NSD1: variants seen among roughly 807,000 people sequenced by gnomAD.
The protein encoded by NSD1 is histone-lysine N-methyltransferase, H3 lysine-36 specific.
A neutral mutation model predicts 242.7 loss-of-function variants in NSD1; 26 were observed. The ratio of observed to expected loss-of-function variants is 0.11; its 90% CI spans 0.08 to 0.15. The LOEUF (loss-of-function observed/expected upper bound fraction) is 0.15, where lower values mean the gene tolerates loss of function less well. Among genes scored for constraint, NSD1 ranks in the 10% least tolerant of loss-of-function variants. The pLI, the probability that NSD1 is intolerant of heterozygous loss-of-function variation, is 1.00. For missense variants in NSD1, 2,495 were observed against 3,272.8 expected, an observed-to-expected ratio of 0.76 and a Z score of 5.80; for synonymous variants, 1,106 against 1,178.1, an observed-to-expected ratio of 0.94 and a Z score of 1.25.
chr5:177,174,162 C>T (rs949098195), intron 2 of NSD1, among the ~76,000 whole-genome samples: 2 of 151,760 alleles, frequency 1.3e-5, no homozygotes, highest in East Asian at 2.0e-4. Context: ...GTCAAGAGAT[C>T]GAGACCATCC....
chr5:177,137,111 A>T (rs1262295269), intron 2 of NSD1: 2 of 403,254 alleles, frequency 5.0e-6, no homozygotes, highest in Non-Finnish European at 8.8e-6. Context: ...ATTTGAGCTT[A>T]TGAAGAATTT....
intron 2 of NSD1, among the ~76,000 whole-genome samples, chr5:177,170,638 C>T (rs1265649111): frequency 1.3e-5 from 2 of 152,244 alleles, no homozygotes; most frequent in African/African-American, 4.8e-5. Context: ...CAGGCGTGAG[C>T]CACTGCGCCT....
chr5:177,279,030 T>C (rs1415368178), intron 17 of NSD1, among the ~76,000 whole-genome samples: 1 of 152,232 alleles, frequency 6.6e-6, no homozygotes, highest in Non-Finnish European at 1.5e-5. Context: ...AATTAATCCA[T>C]GAGTGACATT....
At chr5:177,219,300 C>T (rs1473828138) in intron 5 of NSD1, among the ~76,000 whole-genome samples, 2 of 151,954 alleles carry the variant, frequency 1.3e-5, no homozygotes, top group Non-Finnish European at 2.9e-5. Flanking sequence ...ATTGTCCTGC[C>T]TCAGCCTCCC....
In NSD1 at chr5:177,159,003, T is replaced by TATATATGAATG; in HGVS notation, c.927+22979_927+22980insGAATGATATAT. On this transcript the variant is annotated intron_variant, in intron 2 of 22. Coordinates refer to ENST00000439151, the MANE Select transcript of NSD1 (RefSeq NM_022455.5). ...ACACATATATATGAATGATTTTATA[T>TATATATGAATG]ATATATATATATATATATATATGAA... Among the ~76,000 whole-genome samples, 2 of 80,124 alleles carry TATATATGAATG rather than the reference T, an allele frequency of 2.5e-5. 1 individual carries two copies. Among genetic ancestry groups the TATATATGAATG allele is most frequent in the African/African-American group, 1.4e-4 (2 of 14,772 alleles). 52.6% of individuals were successfully genotyped at this position (80,124 alleles called of 152,430 possible).
At chr5:177,265,753 C>G (rs528077787) in intron 14 of NSD1, 17 of 1,524,380 alleles carry the variant, frequency 1.1e-5, no homozygotes, top group Non-Finnish European at 1.5e-5. Context: ...GCTTCCAGTG[C>G]GTGTACAGGG....
At chr5:177,183,812 C>A (rs1399158705) in intron 2 of NSD1, among the ~76,000 whole-genome samples, 2 of 152,070 alleles carry the variant, frequency 1.3e-5, no homozygotes, top group African/African-American at 4.8e-5. Flanking sequence ...CTTCTAGTAA[C>A]CATTTTTCTG....
intron 12 of NSD1, among the ~76,000 whole-genome samples, chr5:177,253,289 T>G (rs140842530): frequency 6.6e-6 from 1 of 152,112 alleles, no homozygotes; most frequent in African/African-American, 2.4e-5. Context: ...TCATTTTGAG[T>G]GTGTAAAACA....
chr5:177,206,465 A>AT (rs1762875665), intron 4 of NSD1, among the ~76,000 whole-genome samples: 1 of 152,204 alleles, frequency 6.6e-6, no homozygotes, highest in Non-Finnish European at 1.5e-5. Context: ...TTTAAAAATC[A>AT]TAATTAGGAT....
chr5:177,216,383 G>T (rs561892006), intron 5 of NSD1, among the ~76,000 whole-genome samples: 2 of 151,706 alleles, frequency 1.3e-5, no homozygotes, highest in South Asian at 2.1e-4. Flanking sequence ...TTGTGCTTTG[G>T]GTCTCATAGC....
At chr5:177,146,868 A>G (rs1489821625) in intron 2 of NSD1, among the ~76,000 whole-genome samples, 2 of 151,740 alleles carry the variant, frequency 1.3e-5, no homozygotes, top group South Asian at 2.1e-4. Flanking sequence ...TTAGCTGGAT[A>G]TGGTGGGTCA....
intron 20 of NSD1, among the ~76,000 whole-genome samples, chr5:177,285,563 CA>C (rs772293606): frequency 0.067 from 5,444 of 81,602 alleles, 80 homozygotes; most frequent in African/African-American, 0.17. Flanking sequence ...GATTCCATCT[CA>C]AAAAAAAAAA....
intron 8 of NSD1, among the ~76,000 whole-genome samples, chr5:177,242,781 G>A (rs1310461184): frequency 6.6e-6 from 1 of 152,026 alleles, no homozygotes; most frequent in Non-Finnish European, 1.5e-5. Context: ...CGCCTGCCTC[G>A]GCCCCCCAAA....
chr5:177,174,342 G>A (rs867737040), intron 2 of NSD1, among the ~76,000 whole-genome samples: 7 of 152,178 alleles, frequency 4.6e-5, no homozygotes, highest in Middle Eastern at 6.8e-3. Context: ...CAACAAGAGC[G>A]AGACAGATTA....
At position 177,292,028 on chromosome 5, in the gene NSD1, T is replaced by C; in HGVS notation, c.6333T>C (p.Gly2111=). 2 of 1,614,000 alleles carry C rather than the reference T, an allele frequency of 1.2e-6. No individual in the cohort carries two copies. Among genetic ancestry groups the C allele is most frequent in the Non-Finnish European group, 1.7e-6 (2 of 1,179,990 alleles). ...AACAGGGAAAGCGCAGGACCCAGGG[T>C]GAAATCACAAAGGAGCGAGAAGATG... ...KKQQGKRRTQ[G]EITKEREDEC... The change falls in exon 22 of 23, where the codon GGT becomes GGC. Residue 2111 remains glycine, a synonymous_variant. Coordinates refer to ENST00000439151, the MANE Select transcript of NSD1 (RefSeq NM_022455.5).
At chr5:177,209,355 C>T (rs529085817) in intron 4 of NSD1, among the ~76,000 whole-genome samples, 1 of 151,654 alleles carries the variant, frequency 6.6e-6, no homozygotes, top group Non-Finnish European at 1.5e-5. Context: ...TGGTGAAACC[C>T]CTATTCTACT....
In NSD1 at chr5:177,269,893, A is replaced by G; in HGVS notation, c.5509+86A>G. On this transcript the variant is annotated intron_variant, in intron 16 of 22. Coordinates refer to ENST00000439151, the MANE Select transcript of NSD1 (RefSeq NM_022455.5). This position sits in a 1 kb window ranked among gnomAD's most constrained non-coding sequence, Gnocchi z 5.1. Reference sequence around the variant, plus strand: ...CTGTTTTAGAATTCACATATGCTCCATTTTGAAACTGCCTTTGTCCTCTCA... The same window carrying G: ...CTGTTTTAGAATTCACATATGCTCCGTTTTGAAACTGCCTTTGTCCTCTCA... The G allele has an allele frequency of 8.4e-7, 1 of 1,186,070 alleles. No homozygotes were observed. Among genetic ancestry groups the G allele is most frequent in the South Asian group, 1.5e-5 (1 of 66,634 alleles). The allele number at this position is 1,186,070 out of a possible 1,614,324, so 73.5% of individuals were successfully genotyped here.
intron 2 of NSD1, among the ~76,000 whole-genome samples, chr5:177,140,682 T>A (rs10059158): frequency 1.3e-5 from 2 of 149,370 alleles, no homozygotes; most frequent in African/African-American, 4.9e-5. Flanking sequence ...TTCTGTCTCT[T>A]AAAAAAAAAA....
chr5:177,222,743 G>A (rs1352245477), intron 5 of NSD1, among the ~76,000 whole-genome samples: 1 of 152,118 alleles, frequency 6.6e-6, no homozygotes, highest in Non-Finnish European at 1.5e-5. Flanking sequence ...TTACATATAA[G>A]TCCATTATTA....
Sources: allele counts gnomAD v4.1 joint callset (sites outside exome capture counted in the v4.1 genomes callset), GRCh38; gene constraint gnomAD v4.1.1; non-coding constraint Gnocchi (gnomAD v3.1); transcripts MANE v1.5; gene names NCBI Gene and HGNC (gene_info 2026-07-23, HGNC 2026-07-21).